The following AKAP6 variants were observed in gnomAD, a reference collection of about 807,000 sequenced individuals.
The protein encoded by AKAP6 is A-kinase anchoring protein 6.
In AKAP6, 58 loss-of-function variants were observed where a neutral mutation model predicts 188.5. The observed-to-expected ratio is 0.31, with a 90% CI of 0.25 to 0.38. The LOEUF is 0.38. Ranked by LOEUF, AKAP6 falls within the 10% of genes least tolerant of loss-of-function variation. AKAP6 has a pLI of 1.00. For synonymous variants in AKAP6, 989 were observed against 998.6 expected, an observed-to-expected ratio of 0.99 and a Z score of 0.18; for missense variants, 2,710 against 2,740.0, an observed-to-expected ratio of 0.99 and a Z score of 0.24.
chr14:32,817,491 T>G (rs1955482), intron 12 of AKAP6, among the ~76,000 whole-genome samples: 49,850 of 144,840 alleles, frequency 0.34, 9,577 homozygotes, highest in Non-Finnish European at 0.45. Flanking sequence ...GTGTCTGTGT[T>G]TGTGTGTGTG....
intron 2 of AKAP6, among the ~76,000 whole-genome samples, chr14:32,444,771 A>G (rs962017814): frequency 3.9e-5 from 6 of 152,204 alleles, no homozygotes; most frequent in African/African-American, 1.4e-4. Context: ...CCTCTTTTCC[A>G]AAAATGTAAT....
chr14:32,785,323 AAC>A (rs1439901640), intron 12 of AKAP6, among the ~76,000 whole-genome samples: 1 of 152,218 alleles, frequency 6.6e-6, no homozygotes, highest in Non-Finnish European at 1.5e-5. Flanking sequence ...TGAGAGGGAA[AAC>A]ATTTCTTTTG....
chr14:32,389,931 C>T (rs35263553), intron 1 of AKAP6, among the ~76,000 whole-genome samples: 18,319 of 152,094 alleles, frequency 0.12, 1,500 homozygotes, highest in East Asian at 0.39. Flanking sequence ...ATTATTCCCC[C>T]AGATATGTTT....
At chr14:32,670,019 C>T (rs1322819075) in intron 7 of AKAP6, among the ~76,000 whole-genome samples, 3 of 152,014 alleles carry the variant, frequency 2.0e-5, no homozygotes, top group South Asian at 2.1e-4. Flanking sequence ...ATCGCTTGAT[C>T]CCAGGAGGCT....
At chr14:32,508,074 TA>T (rs1051836333) in intron 2 of AKAP6, among the ~76,000 whole-genome samples, 13 of 152,174 alleles carry the variant, frequency 8.5e-5, no homozygotes, top group Non-Finnish European at 1.6e-4. Flanking sequence ...GCTTTCAGAC[TA>T]AAAAAATCTC....
rs79085796 is a variant in AKAP6 at position 32,799,399 on chromosome 14, T to C, written c.3589-22003T>C. Reference sequence around the variant, plus strand: ...TTCTCAGTTTCCTAAGGTGGGAGATTAGGTTGTTGATTTTAAATTTATCTT... The same window carrying C: ...TTCTCAGTTTCCTAAGGTGGGAGATCAGGTTGTTGATTTTAAATTTATCTT... On this transcript the variant is annotated intron_variant, in intron 12 of 13. Transcript: ENST00000280979. Among the ~76,000 whole-genome samples the C allele has an allele frequency of 2.3e-3, 345 of 152,270 alleles. 3 individuals are homozygous for C. Among genetic ancestry groups the C allele is most frequent in the African/African-American group, 7.9e-3 (327 of 41,570 alleles).
chr14:32,519,721 A>T (rs1881718180), intron 2 of AKAP6, among the ~76,000 whole-genome samples: 1 of 152,178 alleles, frequency 6.6e-6, no homozygotes, highest in Non-Finnish European at 1.5e-5. Flanking sequence ...CTACAAAGAG[A>T]CTTAGACTCC....
At chr14:32,614,322 G>A (rs1205856323) in intron 7 of AKAP6, among the ~76,000 whole-genome samples, 1 of 152,084 alleles carries the variant, frequency 6.6e-6, no homozygotes, top group Non-Finnish European at 1.5e-5. Context: ...TGCTCCATTG[G>A]CTAATACACA....
intron 12 of AKAP6, among the ~76,000 whole-genome samples, chr14:32,786,617 C>T (rs1011874363): frequency 6.6e-6 from 1 of 152,020 alleles, no homozygotes; most frequent in African/African-American, 2.4e-5. Flanking sequence ...AGCCACAGCA[C>T]CCAGCCTAAA....
At chr14:32,793,168 C>T (rs535261391) in intron 12 of AKAP6, among the ~76,000 whole-genome samples, 59 of 152,232 alleles carry the variant, frequency 3.9e-4, no homozygotes, top group African/African-American at 9.9e-4. Context: ...ATCAAATTCA[C>T]ACATAACAAT....
rs188324548 is a variant in AKAP6 at position 32,705,618 on chromosome 14, C to A, written c.3000+9508C>A. Among the ~76,000 whole-genome samples, 524 of 152,154 alleles carry A rather than the reference C, an allele frequency of 3.4e-3. 3 individuals carry two copies. The highest frequency in any genetic ancestry group is 0.012 in the African/African-American group (496 of 41,520). ...TTGATTATTTTCCTTAATTCATAGA[C>A]CCTGAGCCAAAAACATAAAGAGGTT... On this transcript the variant is annotated intron_variant, in intron 9 of 13. Transcript: ENST00000280979.
chr14:32,634,205 A>G (rs960850267), intron 7 of AKAP6, among the ~76,000 whole-genome samples: 1 of 152,022 alleles, frequency 6.6e-6, no homozygotes, highest in Non-Finnish European at 1.5e-5. Context: ...CTAAGCTTCA[A>G]TTTCCTTAAA....
chr14:32,439,299 T>G (rs61981137), intron 2 of AKAP6, among the ~76,000 whole-genome samples: 12,138 of 152,224 alleles, frequency 0.08, 639 homozygotes, highest in South Asian at 0.22. Flanking sequence ...AGATGGACCT[T>G]ATGGACAGAA....
intron 11 of AKAP6, among the ~76,000 whole-genome samples, chr14:32,770,720 T>A (rs1158627301): frequency 1.3e-5 from 2 of 152,244 alleles, no homozygotes; most frequent in Admixed American, 6.5e-5. Flanking sequence ...GACTCTTCAA[T>A]AGCAACTTGC....
intron 7 of AKAP6, among the ~76,000 whole-genome samples, chr14:32,630,954 A>G (rs1351907478): frequency 6.6e-6 from 1 of 152,060 alleles, no homozygotes; most frequent in Non-Finnish European, 1.5e-5. Flanking sequence ...ATTCTGATGT[A>G]GCATTCTGAA....
intron 11 of AKAP6, among the ~76,000 whole-genome samples, chr14:32,741,979 T>G (rs759822601): frequency 6.6e-6 from 1 of 151,936 alleles, no homozygotes; most frequent in Non-Finnish European, 1.5e-5. Context: ...TTTGGTAACA[T>G]TCAGCAGTGA....
In AKAP6 at chr14:32,744,989, A is replaced by G. The variant is rs373052836; in HGVS notation, c.3372+9107A>G. Among the ~76,000 whole-genome samples the G allele has an allele frequency of 2.4e-3, 361 of 152,244 alleles. 11 individuals are homozygous for G. The South Asian group carries it at 0.07, about 30-fold the overall frequency. On this transcript the variant is annotated intron_variant, in intron 11 of 13. Coordinates refer to ENST00000280979, the MANE Select transcript of AKAP6 (RefSeq NM_004274.5). ...ATTATTTTAATCTTTATCTGGTAGA[A>G]TTCTGAATTCCTTCTCTGTGTTATC... is the stretch of plus-strand genomic sequence containing the variant.
At chr14:32,523,314 A>G (rs1881950929) in intron 2 of AKAP6, among the ~76,000 whole-genome samples, 1 of 152,126 alleles carries the variant, frequency 6.6e-6, no homozygotes, top group African/African-American at 2.4e-5. Context: ...GTTCCCTAGA[A>G]CTTAAAGTAG....
intron 12 of AKAP6, among the ~76,000 whole-genome samples, chr14:32,794,504 G>A (rs773757284): frequency 1.2e-4 from 19 of 152,190 alleles, no homozygotes; most frequent in Non-Finnish European, 2.8e-4. Flanking sequence ...ATATTGCAGT[G>A]AGCTGAGATT....
Sources: gnomAD v4.1 joint callset for allele counts (sites outside exome capture counted in the v4.1 genomes callset) on GRCh38, gnomAD v4.1.1 for gene constraint, MANE v1.5 for transcripts, NCBI Gene and HGNC (gene_info 2026-07-23, HGNC 2026-07-21) for gene names.